The following ADCK5 variants were observed in gnomAD, a reference collection of about 807,000 sequenced individuals.
ADCK5 encodes aarF domain containing kinase 5.
ADCK5 carries 43 observed loss-of-function variants against 64.9 expected under a neutral mutation model. That is an observed-to-expected ratio of 0.66 (90% CI 0.52 to 0.85). The LOEUF is 0.85. ADCK5 is among the 40% of genes least tolerant of loss of function. The probability of loss-of-function intolerance (pLI) is 0.00; values close to 1 mark genes in which losing one functional copy is unlikely to be tolerated. For missense variants in ADCK5, 760 were observed against 810.5 expected (o/e 0.94, Z 0.76); for synonymous variants, 434 against 342.8 (o/e 1.27, Z -2.94).
Position 144,384,823 on chromosome 8 carries a change from CAG to C in ADCK5, c.266+1594_266+1595del, listed in dbSNP as rs1819839914. 1.3e-5 allele frequency among the ~76,000 whole-genome samples: 2 copies of C among 152,206 alleles called. No homozygotes were observed. The highest frequency in any genetic ancestry group is 2.1e-4 in the South Asian group (1 of 4,834). ...AAAACATCTTCTCACAGCTCGCTCT[CAG>C]GGGCTGAGCTGGGGTTGCAGGGAGG... On this transcript the variant is annotated intron_variant, in intron 3 of 14. Coordinates refer to ENST00000308860, the MANE Select transcript of ADCK5 (RefSeq NM_174922.5). This position sits in a 1 kb window ranked among gnomAD's most constrained non-coding sequence, Gnocchi z 5.7.
In ADCK5 at chr8:144,376,296, G is replaced by A. The variant is rs1450663124; in HGVS notation, c.12+2189G>A. On this transcript the variant is annotated intron_variant, in intron 1 of 14. Coordinates refer to ENST00000308860, the MANE Select transcript of ADCK5 (RefSeq NM_174922.5). This position sits in a 1 kb window ranked among gnomAD's most constrained non-coding sequence, Gnocchi z 5.1. Reference sequence around the variant, plus strand: ...CTTGTTCAGAGATGGTTGAGAGGTGGCCCTGCTCACAGTCTAGTGGGAGGA... The same window carrying A: ...CTTGTTCAGAGATGGTTGAGAGGTGACCCTGCTCACAGTCTAGTGGGAGGA... Among the ~76,000 whole-genome samples the A allele has an allele frequency of 6.6e-6, 1 of 152,196 alleles. No homozygotes were observed. Among genetic ancestry groups the A allele is most frequent in the Non-Finnish European group, 1.5e-5 (1 of 68,030 alleles).
intron 1 of ADCK5, chr8:144,375,500 C>G (rs1554856966): frequency 1.0e-6 from 1 of 985,388 alleles, no homozygotes; most frequent in Non-Finnish European, 1.2e-6. Context: ...GCAGTTGCTT[C>G]TCACTGCTGC....
Position 144,392,559 on chromosome 8 carries a change from A to T in ADCK5, c.1382A>T (p.Glu461Val). 3 of 1,568,428 alleles carry T rather than the reference A, an allele frequency of 1.9e-6. No homozygotes were observed. Among genetic ancestry groups the T allele is most frequent in the Non-Finnish European group, 2.6e-6 (3 of 1,163,010 alleles). ...EAAYMVDMAR[E>V]RFEAVMAVLR... Reference sequence around the variant, plus strand: ...GCCTACATGGTGGACATGGCCCGCGAGCGCTTCGAGGCCGTCATGGCGGTG... The same window carrying T: ...GCCTACATGGTGGACATGGCCCGCGTGCGCTTCGAGGCCGTCATGGCGGTG... Residue 461 changes from glutamate to valine, a missense_variant, in exon 13 of 15, where the codon GAG becomes GTG. Transcript: ENST00000308860.
At chr8:144,387,102 C>T (rs1819956236) in intron 3 of ADCK5, among the ~76,000 whole-genome samples, 1 of 152,254 alleles carries the variant, frequency 6.6e-6, no homozygotes, top group South Asian at 2.1e-4. Context: ...CCTGTGACCA[C>T]TTGGTGCACA....
Position 144,391,190 on chromosome 8 carries a change from G to A in ADCK5, c.600G>A (p.Glu200=). 6.2e-7 allele frequency: 1 copy of A among 1,612,460 alleles called. No homozygotes were observed. Among genetic ancestry groups the A allele is most frequent in the East Asian group, 2.2e-5 (1 of 44,886 alleles). Residue 200 remains glutamate, a synonymous_variant, in exon 6 of 15, where the codon GAG becomes GAA. Coordinates refer to ENST00000308860, the MANE Select transcript of ADCK5 (RefSeq NM_174922.5). ...CCCTCCCCCACGAGCTCTTCCAGGAGTTTGACTACCAGCCAATTGCTGCCG... is the reference window on the plus strand; with the variant it reads ...CCCTCCCCCACGAGCTCTTCCAGGAATTTGACTACCAGCCAATTGCTGCCG... ...FQALPHELFQ[E]FDYQPIAAAS...
chr8:144,392,524 C>CG lies in ADCK5; in HGVS notation c.1348dup (p.Glu450GlyfsTer57). The CG allele has an allele frequency of 6.4e-7, 1 of 1,551,874 alleles. No homozygotes were observed. The highest frequency in any genetic ancestry group is 8.7e-7 in the Non-Finnish European group (1 of 1,154,770). Reference sequence around the variant, plus strand: ...TGTGGGGCTCGCACCTACTGAGCCGCGAAGAGGCGGCCTACATGGTGGACA... The same window carrying CG: ...TGTGGGGCTCGCACCTACTGAGCCGCGGAAGAGGCGGCCTACATGGTGGACA... On this transcript the variant is annotated frameshift_variant, in exon 13 of 15. Transcript: ENST00000308860. LOFTEE classifies it high-confidence loss of function.
rs1554860221 is a variant in ADCK5 at position 144,390,765 on chromosome 8, G to T, written c.342+19G>T. On this transcript the variant is annotated intron_variant, in intron 4 of 14. Transcript: ENST00000308860. Reference sequence around the variant, plus strand: ...GGAAGAGGTTTGTCCTGGTGCCCTGGGCACACAGTGGTGGGCATGAGGTGG... The same window carrying T: ...GGAAGAGGTTTGTCCTGGTGCCCTGTGCACACAGTGGTGGGCATGAGGTGG... The T allele has an allele frequency of 6.2e-7, 1 of 1,612,370 alleles. No homozygotes were observed. Among genetic ancestry groups the T allele is most frequent in the African/African-American group, 1.3e-5 (1 of 74,914 alleles).
At position 144,386,470 on chromosome 8, in the gene ADCK5, G is replaced by C. The variant is rs999916036; in HGVS notation, c.266+3240G>C. Among the ~76,000 whole-genome samples, 5 of 151,900 alleles carry C rather than the reference G, an allele frequency of 3.3e-5. No homozygotes were observed. In the East Asian group the frequency reaches 9.7e-4, roughly 29 times the overall value. On this transcript the variant is annotated intron_variant, in intron 3 of 14. Transcript: ENST00000308860. ...TCTCCCGGGTTCAAGCGATTCTCCT[G>C]TCTTAGCCTTCTGAGTAGCTGGAAT...
chr8:144,392,538 A>G lies in ADCK5; in HGVS notation c.1361A>G (p.Tyr454Cys). Residue 454 changes from tyrosine to cysteine, a missense_variant, in exon 13 of 15, where the codon TAC (tyrosine) becomes TGC (cysteine). By Grantham distance (194) the Tyr-to-Cys change is radical. Coordinates refer to ENST00000308860, the MANE Select transcript of ADCK5 (RefSeq NM_174922.5). Reference sequence around the variant, plus strand: ...CTACTGAGCCGCGAAGAGGCGGCCTACATGGTGGACATGGCCCGCGAGCGC... The same window carrying G: ...CTACTGAGCCGCGAAGAGGCGGCCTGCATGGTGGACATGGCCCGCGAGCGC... ...SHLLSREEAA[Y>C]MVDMARERFE... The G allele has an allele frequency of 1.3e-6, 2 of 1,561,216 alleles. No homozygotes were observed. The highest frequency in any genetic ancestry group is 1.7e-6 in the Non-Finnish European group (2 of 1,159,592).
At chr8:144,374,218 C>CTT in intron 1 of ADCK5, 111 bp downstream of exon 1, 5 of 1,054,756 alleles carry the variant, frequency 4.7e-6, no homozygotes, top group South Asian at 4.9e-5. Context: ...CTTTTTCCCT[C>CTT]TTTTTTTTTG....
chr8:144,381,041 G>T (rs1303251507), intron 2 of ADCK5, among the ~76,000 whole-genome samples: 29 of 151,698 alleles, frequency 1.9e-4, no homozygotes, highest in Admixed American at 1.9e-3. Context: ...TCAGGATTAT[G>T]TGCCGGGTGT....
intron 3 of ADCK5, among the ~76,000 whole-genome samples, chr8:144,388,727 C>T (rs1315770248): frequency 1.3e-5 from 2 of 151,456 alleles, no homozygotes; most frequent in African/African-American, 4.9e-5. Flanking sequence ...ATCGCCACCA[C>T]ACTCCAGCCT....
chr8:144,390,311 TAG>T (rs1321255406), intron 3 of ADCK5, among the ~76,000 whole-genome samples: 2 of 152,164 alleles, frequency 1.3e-5, no homozygotes, highest in Non-Finnish European at 2.9e-5. Context: ...GCATTTTTGG[TAG>T]AGACAGGGTT....
Position 144,392,286 on chromosome 8 carries a change from CCAT to C in ADCK5, c.1213_1215del (p.Ile405del). The C allele has an allele frequency of 6.6e-7, 1 of 1,517,938 alleles. No individual in the cohort carries two copies. Among genetic ancestry groups the C allele is most frequent in the Non-Finnish European group, 8.8e-7 (1 of 1,135,882 alleles). 94.0% of individuals were successfully genotyped at this position (1,517,938 alleles called of 1,614,324 possible). A position where few individuals can be genotyped will look rare whatever the true frequency, so the allele number is the denominator to read the frequency against. ...GCAGCCCTCTGCCAGCTGTGGCGGGCCATCATCCTGCGGGACGACGCCGCCATG... is the reference window on the plus strand; with the variant it reads ...GCAGCCCTCTGCCAGCTGTGGCGGGCCATCCTGCGGGACGACGCCGCCATG... On this transcript the variant is annotated inframe_deletion, in exon 12 of 15. Coordinates refer to ENST00000308860, the MANE Select transcript of ADCK5 (RefSeq NM_174922.5).
In ADCK5 at chr8:144,376,701, A is replaced by G. The variant is rs1819381563; in HGVS notation, c.12+2594A>G. ...ACCTGGAGGTAGCTCCCTTGCAGCC[A>G]CTTACGAGCTGCTGTTCAGAGTCTC... On this transcript the variant is annotated intron_variant, in intron 1 of 14. Coordinates refer to ENST00000308860, the MANE Select transcript of ADCK5 (RefSeq NM_174922.5). This position sits in a 1 kb window ranked among gnomAD's most constrained non-coding sequence, Gnocchi z 5.1. Among the ~76,000 whole-genome samples, 1 of 152,088 alleles carries G rather than the reference A, an allele frequency of 6.6e-6. No individual in the cohort carries two copies. The highest frequency in any genetic ancestry group is 1.5e-5 in the Non-Finnish European group (1 of 68,020).
intron 3 of ADCK5, among the ~76,000 whole-genome samples, chr8:144,387,943 A>C (rs1819995288): frequency 7.0e-6 from 1 of 142,442 alleles, no homozygotes; most frequent in Non-Finnish European, 1.5e-5. Context: ...TGTTGGTCAG[A>C]CTGGTCTTGA....
intron 3 of ADCK5, among the ~76,000 whole-genome samples, chr8:144,383,886 CTTTTTT>C (rs35307889): frequency 3.1e-5 from 2 of 64,882 alleles, no homozygotes; most frequent in Non-Finnish European, 5.6e-5. Flanking sequence ...GCCCAAAGCC[CTTTTTT>C]TTTTTTTTTT....
In ADCK5 at chr8:144,376,018, A is replaced by T. The variant is rs535901107; in HGVS notation, c.12+1911A>T. Among the ~76,000 whole-genome samples, 1 of 152,310 alleles carries T rather than the reference A, an allele frequency of 6.6e-6. No individual in the cohort carries two copies. The highest frequency in any genetic ancestry group is 1.5e-5 in the Non-Finnish European group (1 of 68,026). Reference sequence around the variant, plus strand: ...AAGTCCTTCTGGGAGATGCAGCTGCAGGCTCGCCCCCCAACCCATAACCTC... The same window carrying T: ...AAGTCCTTCTGGGAGATGCAGCTGCTGGCTCGCCCCCCAACCCATAACCTC... On this transcript the variant is annotated intron_variant, in intron 1 of 14. Coordinates refer to ENST00000308860, the MANE Select transcript of ADCK5 (RefSeq NM_174922.5). This position sits in a 1 kb window ranked among gnomAD's most constrained non-coding sequence, Gnocchi z 5.1.
At chr8:144,381,129 C>A (rs1819606450) in intron 2 of ADCK5, among the ~76,000 whole-genome samples, 1 of 144,654 alleles carries the variant, frequency 6.9e-6, no homozygotes, top group Non-Finnish European at 1.5e-5. Context: ...TGCTCAGGCA[C>A]CTGCTGCACT....
Sources: allele counts gnomAD v4.1 joint callset (sites outside exome capture counted in the v4.1 genomes callset), GRCh38; gene constraint gnomAD v4.1.1; non-coding constraint Gnocchi (gnomAD v3.1); transcripts MANE v1.5; gene names NCBI Gene and HGNC (gene_info 2026-07-23, HGNC 2026-07-21).